The following GPHN variants were observed in gnomAD, a reference collection of about 807,000 sequenced individuals.
GPHN encodes the protein gephyrin.
A neutral mutation model predicts 95.5 loss-of-function variants in GPHN; 17 were observed. The ratio of observed to expected loss-of-function variants is 0.18; its 90% CI spans 0.12 to 0.27. GPHN has a LOEUF of 0.27. Among genes scored for constraint, GPHN ranks in the 10% least tolerant of loss-of-function variants. The probability of loss-of-function intolerance (pLI) is 1.00; values close to 1 mark genes in which losing one functional copy is unlikely to be tolerated. For missense variants in GPHN, 660 were observed against 978.1 expected (o/e 0.67, Z 4.34); for synonymous variants, 320 against 322.5 (o/e 0.99, Z 0.08).
At chr14:67,592,458 A>G in the GPHN span, 2 of 565,534 alleles carry the variant, frequency 3.5e-6, no homozygotes, top group East Asian at 6.0e-5. Context: ...TAAAATGTGC[A>G]TGAATATTTT....
At chr14:67,726,905 A>T in the GPHN span, 2 of 1,308,566 alleles carry the variant, frequency 1.5e-6, no homozygotes, top group South Asian at 1.2e-5. Context: ...GCTAACACTG[A>T]AGTCCTCTTG....
At chr14:67,375,658 G>A in the GPHN span, among the ~76,000 whole-genome samples, 1 of 152,146 alleles carries the variant, frequency 6.6e-6, no homozygotes, top group African/African-American at 2.4e-5. Context: ...TGTATTTACA[G>A]TTATGCAGTG....
chr14:67,388,171 T>C, the GPHN span: 1 of 1,132,400 alleles, frequency 8.8e-7, no homozygotes, highest in South Asian at 1.2e-5. Context: ...ATTACTGAGG[T>C]GCAGGAGGGA....
chr14:67,359,777 T>G, the GPHN span: 24 of 1,543,324 alleles, frequency 1.6e-5, no homozygotes, highest in Non-Finnish European at 2.0e-5. Flanking sequence ...CTCCACAGTG[T>G]CTTCCTCTAC....
chr14:66,890,885 T>C (rs1171661698), intron 5 of GPHN, among the ~76,000 whole-genome samples: 5 of 151,988 alleles, frequency 3.3e-5, no homozygotes, highest in African/African-American at 1.2e-4. Context: ...AATTCAAGTT[T>C]CATGTTAAAA....
chr14:67,269,450 C>G, the GPHN span, among the ~76,000 whole-genome samples: 1 of 152,046 alleles, frequency 6.6e-6, no homozygotes, highest in Non-Finnish European at 1.5e-5. Flanking sequence ...CAGACTGTTT[C>G]CAATGTGTTA....
At chr14:66,557,904 T>C (rs1319309533) in intron 1 of GPHN, among the ~76,000 whole-genome samples, 1 of 152,214 alleles carries the variant, frequency 6.6e-6, no homozygotes, top group Non-Finnish European at 1.5e-5. Flanking sequence ...GATAACCTTC[T>C]TGCCCTTGAT....
the GPHN span, among the ~76,000 whole-genome samples, chr14:67,629,204 T>C: frequency 1.3e-5 from 2 of 152,040 alleles, no homozygotes; most frequent in African/African-American, 4.8e-5. Flanking sequence ...GGTGTGGTGG[T>C]GCATGCACAT....
chr14:66,746,191 A>G (rs1057157166), intron 2 of GPHN, among the ~76,000 whole-genome samples: 1 of 152,188 alleles, frequency 6.6e-6, no homozygotes, highest in Non-Finnish European at 1.5e-5. Flanking sequence ...CTCTATAAAT[A>G]CCCAGATGTA....
chr14:67,015,514 C>T (rs1221903084), intron 9 of GPHN, among the ~76,000 whole-genome samples: 1 of 151,946 alleles, frequency 6.6e-6, no homozygotes, highest in Non-Finnish European at 1.5e-5. Context: ...CTGAGTAACA[C>T]AGTGATACCT....
chr14:67,180,753 C>G, intron 22 of GPHN, 51 bp from the exon 23 acceptor site: 5 of 1,587,966 alleles, frequency 3.1e-6, no homozygotes, highest in Non-Finnish European at 4.3e-6. Context: ...AAGGGCCCAA[C>G]TGTATACGCC....
intron 9 of GPHN, among the ~76,000 whole-genome samples, chr14:67,005,308 AT>A (rs1020203563): frequency 5.9e-5 from 9 of 151,806 alleles, no homozygotes; most frequent in Non-Finnish European, 1.0e-4. Context: ...TATATTTAAG[AT>A]TTTTTAATAG....
At chr14:67,077,818 T>C (rs1049031318) in intron 11 of GPHN, among the ~76,000 whole-genome samples, 23 of 152,176 alleles carry the variant, frequency 1.5e-4, no homozygotes, top group African/African-American at 4.8e-4. Flanking sequence ...GCCACTGTTA[T>C]CTTGCAGCAC....
the GPHN span, among the ~76,000 whole-genome samples, chr14:67,341,312 T>C: frequency 6.6e-6 from 1 of 151,830 alleles, no homozygotes; most frequent in Admixed American, 6.6e-5. Flanking sequence ...GAGGAGCGTC[T>C]CTGCCCGGCC....
At chr14:67,386,666 A>C in the GPHN span, 1 of 152,186 alleles carries the variant, frequency 6.6e-6, no homozygotes, top group Non-Finnish European at 1.5e-5. Flanking sequence ...TGTCCTTTAG[A>C]GCGCTCTTAC....
chr14:66,673,382 A>G (rs1595493736), intron 1 of GPHN, among the ~76,000 whole-genome samples: 1 of 152,242 alleles, frequency 6.6e-6, no homozygotes, highest in South Asian at 2.1e-4. Context: ...GTGAGCCACC[A>G]CGCCCTGCCT....
the GPHN span, among the ~76,000 whole-genome samples, chr14:67,393,429 A>G: frequency 1.3e-5 from 2 of 152,102 alleles, no homozygotes; most frequent in Admixed American, 6.5e-5. Flanking sequence ...TGAAGCCGCC[A>G]TGATGATTGA....
intron 3 of GPHN, among the ~76,000 whole-genome samples, chr14:66,813,264 C>T (rs911702290): frequency 6.6e-6 from 1 of 152,086 alleles, no homozygotes; most frequent in African/African-American, 2.4e-5. Context: ...GAATGGTTTG[C>T]AGGGGCAAGG....
chr14:66,570,544 G>A (rs1187508019), intron 1 of GPHN, among the ~76,000 whole-genome samples: 4 of 151,860 alleles, frequency 2.6e-5, no homozygotes, highest in Admixed American at 2.0e-4. Flanking sequence ...GATCTCAGGC[G>A]ATCCACCTGC....
Sources: allele counts gnomAD v4.1 joint callset (sites outside exome capture counted in the v4.1 genomes callset), GRCh38; gene constraint gnomAD v4.1.1; transcripts MANE v1.5; gene names NCBI Gene and HGNC (gene_info 2026-07-23, HGNC 2026-07-21).